VWF: variants seen among roughly 807,000 people sequenced by gnomAD.
The protein encoded by VWF is von Willebrand factor, also known as Factor VIII related antigen.
A neutral mutation model predicts 308.6 loss-of-function variants in VWF; 176 were observed. The ratio of observed to expected loss-of-function variants is 0.57; its 90% confidence interval spans 0.50 to 0.65. The LOEUF is 0.65. VWF is among the 30% of genes least tolerant of loss of function. The probability of loss-of-function intolerance (pLI) is 0.00; values close to 1 mark genes in which losing one functional copy is unlikely to be tolerated. For synonymous variants in VWF, 1,385 were observed against 1,443.4 expected, an observed-to-expected ratio of 0.96 and a Z score of 0.92; for missense variants, 3,146 against 3,648.2, an observed-to-expected ratio of 0.86 and a Z score of 3.55.
chr12:5,962,586 A>G (rs185699757), intron 47 of VWF, among the ~76,000 whole-genome samples: 6,062 of 122,196 alleles, frequency 0.05, 189 homozygotes, highest in South Asian at 0.13. Flanking sequence ...CTCTGTCACC[A>G]GGCTGGAGTG....
intron 38 of VWF, among the ~76,000 whole-genome samples, chr12:5,989,525 A>G (rs1175897543): frequency 5.3e-5 from 8 of 152,250 alleles, no homozygotes; most frequent in African/African-American, 1.9e-4. Flanking sequence ...TGTTGTTTTC[A>G]AAGTTTTCAA....
chr12:6,007,231 A>G (rs2136399168), intron 34 of VWF, among the ~76,000 whole-genome samples: 1 of 152,372 alleles, frequency 6.6e-6, no homozygotes, highest in African/African-American at 2.4e-5. Context: ...AAGTGGACCT[A>G]TCAAACAAAT....
At chr12:6,017,311 G>A (rs1373634805) in intron 28 of VWF, among the ~76,000 whole-genome samples, 1 of 152,196 alleles carries the variant, frequency 6.6e-6, no homozygotes, top group Non-Finnish European at 1.5e-5. Context: ...TGAACATACT[G>A]TGATTCTTCC....
At chr12:6,003,481 G>A (rs1591853633) in intron 34 of VWF, among the ~76,000 whole-genome samples, 1 of 147,950 alleles carries the variant, frequency 6.8e-6, no homozygotes, top group East Asian at 2.0e-4. Context: ...ATACACAAAA[G>A]AAAGGAAACG....
At chr12:6,035,684 G>A (rs552441713) in intron 19 of VWF, among the ~76,000 whole-genome samples, 62 of 152,324 alleles carry the variant, frequency 4.1e-4, no homozygotes, top group Admixed American at 1.2e-3. Context: ...GGCCTGCAAC[G>A]AAAGGACCCT....
At chr12:5,983,462 T>C (rs1251641170) in intron 40 of VWF, among the ~76,000 whole-genome samples, 1 of 87,782 alleles carries the variant, frequency 1.1e-5, no homozygotes, top group East Asian at 7.9e-4. Flanking sequence ...TGAGATAGAT[T>C]TGATAGATAG....
intron 47 of VWF, among the ~76,000 whole-genome samples, chr12:5,954,762 T>C (rs1366564841): frequency 1.3e-5 from 2 of 152,210 alleles, no homozygotes. Context: ...CTCAAACACC[T>C]GAGCAGAAAT....
rs567622015 is a variant in VWF at position 6,111,048 on chromosome 12, G to A, written c.221-80C>T. ...ACATTGATTAAGAATCATTATCTAC[G>A]TAACCTTTTCTCAGCAGAAAACGCC... On this transcript the variant is annotated intron_variant, in intron 3 of 51. Coordinates refer to ENST00000261405, the MANE Select transcript of VWF (RefSeq NM_000552.5). 732 of 1,338,252 alleles carry A rather than the reference G, an allele frequency of 5.5e-4. 5 individuals carry two copies. Among genetic ancestry groups the A allele is most frequent in the African/African-American group, 3.0e-3 (206 of 69,286 alleles). 82.9% of individuals were successfully genotyped at this position (1,338,252 alleles called of 1,614,324 possible). A position where few individuals can be genotyped will look rare whatever the true frequency, so the allele number is the denominator to read the frequency against.
At chr12:6,093,344 C>T (rs1238337210) in intron 6 of VWF, among the ~76,000 whole-genome samples, 2 of 152,128 alleles carry the variant, frequency 1.3e-5, no homozygotes, top group Non-Finnish European at 2.9e-5. Flanking sequence ...AGTTCCACCT[C>T]CTTACCCAGG....
chr12:5,952,249 G>A (rs1044233992), intron 49 of VWF, 142 bp downstream of exon 49: 53 of 1,225,514 alleles, frequency 4.3e-5, no homozygotes, highest in Admixed American at 5.5e-5. Flanking sequence ...CTTTGATTTC[G>A]TAATCTCACT....
At chr12:6,031,953 G>T (rs1371975186) in intron 20 of VWF, among the ~76,000 whole-genome samples, 1 of 152,220 alleles carries the variant, frequency 6.6e-6, no homozygotes, top group African/African-American at 2.4e-5. Flanking sequence ...CCAGGTAACT[G>T]GGACAGTTTG....
chr12:6,105,056 CAGAA>C (rs1406207558), intron 5 of VWF, among the ~76,000 whole-genome samples: 4 of 152,046 alleles, frequency 2.6e-5, no homozygotes, highest in African/African-American at 4.8e-5. Flanking sequence ...TACACACAGA[CAGAA>C]AGAGTAGAAT....
intron 16 of VWF, among the ~76,000 whole-genome samples, chr12:6,048,440 A>G (rs1944471009): frequency 6.6e-6 from 1 of 151,696 alleles, no homozygotes; most frequent in Non-Finnish European, 1.5e-5. Context: ...TGCTGGGATT[A>G]CAGGCGTGAG....
chr12:6,023,081 T>C (rs370513635), intron 25 of VWF, among the ~76,000 whole-genome samples, 183 bp from the exon 26 acceptor site: 3 of 151,794 alleles, frequency 2.0e-5, no homozygotes, highest in African/African-American at 7.3e-5. Flanking sequence ...TGGTTCTGAA[T>C]TCATTTCTTT....
chr12:6,003,293 T>C (rs1057196256), intron 34 of VWF, among the ~76,000 whole-genome samples: 1 of 152,208 alleles, frequency 6.6e-6, no homozygotes, highest in Non-Finnish European at 1.5e-5. Context: ...ACACACAGTG[T>C]ATAAAGATGT....
intron 42 of VWF, among the ~76,000 whole-genome samples, chr12:5,979,579 G>A (rs1179184345): frequency 2.6e-5 from 4 of 151,430 alleles, no homozygotes; most frequent in Non-Finnish European, 4.4e-5. Flanking sequence ...GTGAAATCCC[G>A]TCTCTACTAA....
At chr12:6,086,509 T>G (rs11064018) in intron 6 of VWF, among the ~76,000 whole-genome samples, 26,039 of 152,088 alleles carry the variant, frequency 0.17, 2,659 homozygotes, top group East Asian at 0.45. Context: ...CTGACAACTG[T>G]ACTCTATGAA....
intron 5 of VWF, among the ~76,000 whole-genome samples, chr12:6,101,561 C>T (rs1462967893): frequency 6.6e-6 from 1 of 150,484 alleles, no homozygotes; most frequent in African/African-American, 2.4e-5. Flanking sequence ...CAGATCACGA[C>T]GTCAGGAGAT....
At chr12:6,016,364 G>A in intron 30 of VWF, 132 bp from the exon 31 acceptor site, 1 of 1,475,366 alleles carries the variant, frequency 6.8e-7, no homozygotes, top group Non-Finnish European at 9.3e-7. Flanking sequence ...TTGAGATCTG[G>A]AGAGACGTGG....
Sources: allele counts gnomAD v4.1 joint callset (sites outside exome capture counted in the v4.1 genomes callset), GRCh38; gene constraint gnomAD v4.1.1; transcripts MANE v1.5; gene names NCBI Gene and HGNC (gene_info 2026-07-23, HGNC 2026-07-21).